VPS39: variants seen among roughly 807,000 people sequenced by gnomAD.
VPS39 encodes vam6/Vps39-like protein.
A neutral mutation model predicts 121.0 loss-of-function variants in VPS39; 70 were observed. The observed-to-expected ratio is 0.58, with a 90% CI of 0.48 to 0.71. The LOEUF is 0.71. VPS39 is among the 30% of genes least tolerant of loss of function. VPS39 has a pLI of 0.00. For synonymous variants in VPS39, 378 were observed against 398.1 expected, an observed-to-expected ratio of 0.95 and a Z score of 0.60; for missense variants, 818 against 1,051.5, an observed-to-expected ratio of 0.78 and a Z score of 3.07.
Position 42,184,536 on chromosome 15 carries a change from C to T in VPS39, c.699G>A (p.Thr233=), listed in dbSNP as rs1056227862. ...ICTQKCALNW[T]DIPVAMEHQP... ...TCTCACCCATGGCCACTGGTATGTC[C>T]GTCCAGTTCAGGGCACATTTCTGTG... The change falls in exon 8 of 25, where the codon ACG becomes ACA. Residue 233 remains threonine (T), a synonymous_variant. Transcript: ENST00000318006. The T allele has an allele frequency of 2.0e-5, 33 of 1,610,024 alleles. No homozygotes were observed. Among genetic ancestry groups the T allele is most frequent in the Non-Finnish European group, 2.5e-5 (30 of 1,178,712 alleles).
At chr15:42,191,362 A>G in intron 3 of VPS39, 134 bp downstream of exon 3, 1 of 1,060,112 alleles carries the variant, frequency 9.4e-7, no homozygotes, top group Non-Finnish European at 1.4e-6. Context: ...ATGATATATG[A>G]GCAGACACTC....
chr15:42,208,015 G>A (rs760096492), intron 1 of VPS39, 66 bp downstream of exon 1: 33 of 1,521,772 alleles, frequency 2.2e-5, no homozygotes, highest in Non-Finnish European at 2.9e-5. Context: ...CACTTCCCCG[G>A]CCTCAGAAAA....
chr15:42,189,596 G>T (rs1362226739), intron 4 of VPS39, among the ~76,000 whole-genome samples: 1 of 151,738 alleles, frequency 6.6e-6, no homozygotes, highest in Non-Finnish European at 1.5e-5. Flanking sequence ...GGGTATGGTG[G>T]TGGGTGCCTG....
At chr15:42,163,277 T>A (rs1022190789) in intron 21 of VPS39, 73 bp downstream of exon 21, 35 of 1,562,814 alleles carry the variant, frequency 2.2e-5, no homozygotes, top group Non-Finnish European at 2.8e-5. Context: ...GCCACTCATA[T>A]TATTGCCACC....
Position 42,178,651 on chromosome 15 carries a change from T to C in VPS39, c.719-81A>G, listed in dbSNP as rs1237524333. On this transcript the variant is annotated intron_variant, in intron 8 of 24. Transcript: ENST00000318006. ...AGTGTTTCAGCTGCCCATTCTAAGA[T>C]ACATTTAAATGGATCTCCAAAAAGT... 34 of 1,561,386 alleles carry C rather than the reference T, an allele frequency of 2.2e-5. No individual in the cohort carries two copies. The East Asian group carries it at 2.5e-4, about 11-fold the overall frequency.
chr15:42,197,674 G>A (rs1374967924), intron 2 of VPS39, among the ~76,000 whole-genome samples: 1 of 152,188 alleles, frequency 6.6e-6, no homozygotes, highest in African/African-American at 2.4e-5. Flanking sequence ...ACATATCAGA[G>A]GATAAAAATG....
chr15:42,173,606 C>T, intron 11 of VPS39, 117 bp downstream of exon 11: 1 of 1,359,132 alleles, frequency 7.4e-7, no homozygotes. Context: ...GTATGAGGAT[C>T]AATTTAGCTG....
At chr15:42,190,938 C>T (rs1215900293) in intron 4 of VPS39, among the ~76,000 whole-genome samples, 187 bp downstream of exon 4, 1 of 152,176 alleles carries the variant, frequency 6.6e-6, no homozygotes, top group Non-Finnish European at 1.5e-5. Flanking sequence ...AGTGAGACTC[C>T]TTGGAGAGAA....
rs754107668 is a variant in VPS39 at position 42,173,707 on chromosome 15, C to T, written c.1090+16G>A. On this transcript the variant is annotated intron_variant, in intron 11 of 24. Transcript: ENST00000318006. ...CCTCCATTAGTCCCTTATATAAAGG[C>T]CTCACCACTTGTTACCTGTGCCAAG... The T allele has an allele frequency of 1.5e-5, 24 of 1,613,132 alleles. No homozygotes were observed. The highest frequency in any genetic ancestry group is 2.0e-5 in the Non-Finnish European group (24 of 1,179,536).
intron 16 of VPS39, 44 bp from the exon 17 acceptor site, chr15:42,165,860 G>A (rs1340341047): frequency 6.4e-7 from 1 of 1,557,156 alleles, no homozygotes; most frequent in Non-Finnish European, 8.9e-7. Context: ...CCATCTGACT[G>A]CAGTTCCAGC....
chr15:42,170,017 G>C (rs2140845741), intron 11 of VPS39, 151 bp from the exon 12 acceptor site: 1 of 945,150 alleles, frequency 1.1e-6, no homozygotes, highest in Non-Finnish European at 1.5e-6. Context: ...ACGAGCTGTA[G>C]ACTTATGATT....
At chr15:42,201,944 A>G (rs1319667683) in intron 1 of VPS39, among the ~76,000 whole-genome samples, 1 of 152,220 alleles carries the variant, frequency 6.6e-6, no homozygotes, top group African/African-American at 2.4e-5. Flanking sequence ...TTATTTCACT[A>G]ATCCTCACAA....
chr15:42,191,826 C>T (rs1487008310), intron 2 of VPS39, among the ~76,000 whole-genome samples: 7 of 152,140 alleles, frequency 4.6e-5, no homozygotes, highest in Admixed American at 4.6e-4. Context: ...GCAAGGTACT[C>T]GTGAGTCTGA....
intron 8 of VPS39, among the ~76,000 whole-genome samples, chr15:42,182,187 C>G (rs2049595233): frequency 6.6e-6 from 1 of 152,146 alleles, no homozygotes; most frequent in Admixed American, 6.5e-5. Flanking sequence ...TATTTTTCAT[C>G]TTACCAGAAA....
At chr15:42,197,355 A>G (rs1453390368) in intron 2 of VPS39, among the ~76,000 whole-genome samples, 1 of 151,720 alleles carries the variant, frequency 6.6e-6, no homozygotes, top group African/African-American at 2.4e-5. Flanking sequence ...AACCTAAAAA[A>G]AAAAAAAGAA....
At position 42,186,535 on chromosome 15, in the gene VPS39, G is replaced by T. The variant is rs916255502; in HGVS notation, c.534+736C>A. On this transcript the variant is annotated intron_variant, in intron 7 of 24. Coordinates refer to ENST00000318006, the MANE Select transcript of VPS39 (RefSeq NM_015289.5). ...ATGTCTGAATTACAAGGGGTGTGAA[G>T]CTAAGAGATTTAGATTATTCAATGA... 2.6e-5 allele frequency among the ~76,000 whole-genome samples: 4 copies of T among 152,212 alleles called. No individual in the cohort carries two copies. In the South Asian group the frequency reaches 8.3e-4, roughly 31 times the overall value.
chr15:42,162,990 G>C (rs2049164001), intron 21 of VPS39, among the ~76,000 whole-genome samples: 1 of 152,174 alleles, frequency 6.6e-6, no homozygotes, highest in South Asian at 2.1e-4. Flanking sequence ...CCTGTCCTCA[G>C]TCACAACAAT....
In VPS39 at chr15:42,163,682, A is replaced by G. The variant is rs2049184839; in HGVS notation, c.2073T>C (p.His691=). The part of the protein sequence containing the change: ...RALLLGRMGK[H]EQALFIYVHI... ...GGACATAAATGAAAAGAGCTTGTTC[A>G]TGTTTCCCCATGCGCCCCAACAGGA... The change falls in exon 20 of 25, where the codon CAT becomes CAC. Residue 691 remains histidine (H), a synonymous_variant. Coordinates refer to ENST00000318006, the MANE Select transcript of VPS39 (RefSeq NM_015289.5). The G allele has an allele frequency of 1.2e-6, 2 of 1,613,842 alleles. No homozygotes were observed. Among genetic ancestry groups the G allele is most frequent in the Non-Finnish European group, 1.7e-6 (2 of 1,179,978 alleles).
At chr15:42,192,054 G>T in intron 2 of VPS39, 1 of 1,536,150 alleles carries the variant, frequency 6.5e-7, no homozygotes, top group Non-Finnish European at 8.7e-7. Flanking sequence ...AATTCAATGC[G>T]TCTACACTTA....
Sources: allele counts gnomAD v4.1 joint callset (sites outside exome capture counted in the v4.1 genomes callset), GRCh38; gene constraint gnomAD v4.1.1; transcripts MANE v1.5; gene names NCBI Gene and HGNC (gene_info 2026-07-23, HGNC 2026-07-21).